The following DYRK1A variants were observed in gnomAD, a reference collection of about 807,000 sequenced individuals.
DYRK1A encodes the protein dual specificity tyrosine-phosphorylation-regulated kinase 1A.
In DYRK1A, 9 loss-of-function variants were observed where a neutral mutation model predicts 79.7. That is an observed-to-expected ratio of 0.11 (90% CI 0.07 to 0.20). The LOEUF (loss-of-function observed/expected upper bound fraction) is 0.20, where lower values mean the gene tolerates loss of function less well. Ranked by LOEUF, DYRK1A falls within the 10% of genes least tolerant of loss-of-function variation. DYRK1A has a pLI of 1.00. For synonymous variants in DYRK1A, 349 were observed against 329.7 expected (o/e 1.06, Z -0.63); for missense variants, 622 against 956.0 (o/e 0.65, Z 4.61).
chr21:37,381,134 CTAAA>C (rs1234245509), intron 1 of DYRK1A, among the ~76,000 whole-genome samples: 3 of 152,156 alleles, frequency 2.0e-5, no homozygotes, highest in Admixed American at 6.5e-5. Context: ...ATAGTAAACA[CTAAA>C]TAAACATTTG....
intron 1 of DYRK1A, among the ~76,000 whole-genome samples, chr21:37,371,620 AT>A (rs1396355808): frequency 3.9e-5 from 6 of 152,274 alleles, no homozygotes; most frequent in African/African-American, 1.4e-4. Context: ...AAAAGTTTGT[AT>A]TACTGTTAAA....
intron 1 of DYRK1A, among the ~76,000 whole-genome samples, chr21:37,390,627 G>C (rs1017268373): frequency 6.6e-6 from 1 of 152,110 alleles, no homozygotes; most frequent in African/African-American, 2.4e-5. Flanking sequence ...GGAGTGCAGC[G>C]GCATGATCTT....
intron 3 of DYRK1A, among the ~76,000 whole-genome samples, chr21:37,476,243 G>A (rs2052389010): frequency 1.3e-5 from 2 of 152,150 alleles, no homozygotes; most frequent in South Asian, 4.1e-4. Flanking sequence ...CTCTGGTTTC[G>A]CGTGTGTAAA....
In DYRK1A at chr21:37,519,736, G is replaced by GTGTTTTTTTTTTTTTTTTTT. The variant is rs1329924530; in HGVS notation, c.*7206_*7207insGTTTTTTTTTTTTTTTTTTT. On this transcript the variant is annotated 3_prime_UTR_variant, in exon 12 of 12. Coordinates refer to ENST00000647188, the MANE Select transcript of DYRK1A (RefSeq NM_001347721.2). ...AGAGTTTTGAGGTTTGTTGTGGGAA[G>GTGTTTTTTTTTTTTTTTTTT]TTTTTTTTTTTTTTTTTTTTTTTGA... 3 of 85,802 alleles carry GTGTTTTTTTTTTTTTTTTTT rather than the reference G, an allele frequency of 3.5e-5. No homozygotes were observed. Among genetic ancestry groups the GTGTTTTTTTTTTTTTTTTTT allele is most frequent in the African/African-American group, 1.5e-4 (3 of 20,580 alleles). The allele number at this position is 85,802 out of a possible 1,614,324, so 5.3% of individuals were successfully genotyped here. A position where few individuals can be genotyped will look rare whatever the true frequency, so the allele number is the denominator to read the frequency against.
chr21:37,426,185 T>C (rs965633041), intron 2 of DYRK1A, among the ~76,000 whole-genome samples: 6 of 152,106 alleles, frequency 3.9e-5, no homozygotes, highest in African/African-American at 1.2e-4. Context: ...GCACAGGAGA[T>C]CTTATTCATG....
rs201958918 is a variant in DYRK1A at position 37,512,454 on chromosome 21, A to G, written c.2188A>G (p.Met730Val). 52 of 1,614,120 alleles carry G rather than the reference A, an allele frequency of 3.2e-5. No individual in the cohort carries two copies. The highest frequency in any genetic ancestry group is 3.5e-5 in the Non-Finnish European group (41 of 1,180,046). The change falls in exon 12 of 12, where the codon ATG becomes GTG. Residue 730 changes from methionine (M) to valine (V), a missense_variant. By Grantham distance (21) the Met-to-Val change is conservative. Around this residue, in one of 5 missense-constraint regions of DYRK1A, gnomAD observed 292 missense variants for 316.7 expected, o/e 0.92. Transcript: ENST00000647188. ...AHYMTEGHLT[M>V]RQGADREESP... Reference sequence around the variant, plus strand: ...TTACATGACTGAAGGACATCTGACAATGAGGCAAGGGGCTGATAGAGAAGA... The same window carrying G: ...TTACATGACTGAAGGACATCTGACAGTGAGGCAAGGGGCTGATAGAGAAGA...
At chr21:37,425,245 A>C (rs1199686131) in intron 2 of DYRK1A, among the ~76,000 whole-genome samples, 2 of 152,198 alleles carry the variant, frequency 1.3e-5, no homozygotes, top group African/African-American at 4.8e-5. Flanking sequence ...GGGACACAGG[A>C]AGTGCTCAGC....
chr21:37,492,616 G>T (rs1322090537), intron 7 of DYRK1A, among the ~76,000 whole-genome samples: 1 of 152,056 alleles, frequency 6.6e-6, no homozygotes, highest in Non-Finnish European at 1.5e-5. Context: ...CATTGTTTGG[G>T]TTAATTTAAA....
chr21:37,459,865 C>T (rs771163831), intron 2 of DYRK1A, among the ~76,000 whole-genome samples: 34 of 151,984 alleles, frequency 2.2e-4, no homozygotes, highest in Non-Finnish European at 4.6e-4. Context: ...GTTTTTTTCC[C>T]GCAAAGGACT....
intron 1 of DYRK1A, among the ~76,000 whole-genome samples, chr21:37,417,536 T>TTTTCTTTTTC (rs1569304627): frequency 5.7e-5 from 6 of 105,092 alleles, no homozygotes; most frequent in South Asian, 2.8e-4. Context: ...TTTCTTTTTT[T>TTTTCTTTTTC]TTTTTTTTTT....
chr21:37,373,174 C>T (rs114433132), intron 1 of DYRK1A, among the ~76,000 whole-genome samples: 6,220 of 152,218 alleles, frequency 0.041, 446 homozygotes, highest in African/African-American at 0.14. Flanking sequence ...CTCCTCGCTT[C>T]AGTATCCTGT....
At chr21:37,382,724 G>C (rs573646364) in intron 1 of DYRK1A, among the ~76,000 whole-genome samples, 124 of 152,164 alleles carry the variant, frequency 8.1e-4, no homozygotes, top group Non-Finnish European at 1.5e-3. Flanking sequence ...CCAGCCACTG[G>C]CCTACTGAAT....
intron 2 of DYRK1A, among the ~76,000 whole-genome samples, chr21:37,444,125 C>G (rs765712448): frequency 1.3e-5 from 2 of 152,196 alleles, no homozygotes; most frequent in Non-Finnish European, 1.5e-5. Context: ...TGATGAGAAC[C>G]TCTGTTTAGA....
intron 2 of DYRK1A, among the ~76,000 whole-genome samples, chr21:37,450,130 G>T (rs1228535023): frequency 1.3e-5 from 2 of 152,198 alleles, no homozygotes; most frequent in Non-Finnish European, 2.9e-5. Flanking sequence ...TTGCAGGAGT[G>T]ACCCATCAAG....
chr21:37,463,751 C>T (rs1025893573), intron 2 of DYRK1A, among the ~76,000 whole-genome samples: 5 of 152,156 alleles, frequency 3.3e-5, no homozygotes, highest in Admixed American at 6.5e-5. Context: ...CCTTTATTTC[C>T]GGCCATCATT....
At chr21:37,381,094 A>G (rs1256077562) in intron 1 of DYRK1A, among the ~76,000 whole-genome samples, 1 of 152,122 alleles carries the variant, frequency 6.6e-6, no homozygotes, top group Non-Finnish European at 1.5e-5. Flanking sequence ...TCTCTCTTGC[A>G]ATCTCAGTGG....
At chr21:37,489,331 C>T (rs1286356072) in intron 6 of DYRK1A, among the ~76,000 whole-genome samples, 2 of 152,082 alleles carry the variant, frequency 1.3e-5, no homozygotes, top group East Asian at 3.8e-4. Flanking sequence ...AGCACTTTAT[C>T]GAATAACCTC....
intron 2 of DYRK1A, among the ~76,000 whole-genome samples, chr21:37,426,119 A>T (rs1164703433): frequency 6.6e-6 from 1 of 152,212 alleles, no homozygotes; most frequent in Non-Finnish European, 1.5e-5. Context: ...ATTAAACAAG[A>T]TGGAGATAAT....
rs552592477 is a variant in DYRK1A, at chr21:37,495,006, A to G, written c.1072-1112A>G. Among the ~76,000 whole-genome samples the G allele has an allele frequency of 2.0e-5, 3 of 151,950 alleles. No individual in the cohort carries two copies. The South Asian group carries it at 6.2e-4, about 32-fold the overall frequency. On this transcript the variant is annotated intron_variant, in intron 8 of 11. Transcript: ENST00000647188. Reference sequence around the variant, plus strand: ...GTATTTGCTGTCTTCCCACTATAACATAAACTTCTTTTTGGCAGGAATTTT... The same window carrying G: ...GTATTTGCTGTCTTCCCACTATAACGTAAACTTCTTTTTGGCAGGAATTTT...
Sources: allele counts gnomAD v4.1 joint callset (sites outside exome capture counted in the v4.1 genomes callset), GRCh38; gene constraint gnomAD v4.1.1; regional missense constraint gnomAD v4.1.1; transcripts MANE v1.5; gene names NCBI Gene and HGNC (gene_info 2026-07-23, HGNC 2026-07-21).